The following NPLOC4 variants were observed in gnomAD, a reference collection of about 807,000 sequenced individuals.
NPLOC4 encodes the protein NPL4 homolog, ubiquitin recognition factor.
A neutral mutation model predicts 80.6 loss-of-function variants in NPLOC4; 18 were observed. That is an observed-to-expected ratio of 0.22 (90% CI 0.15 to 0.33). The LOEUF (loss-of-function observed/expected upper bound fraction) is 0.33. NPLOC4 is among the 10% of genes least tolerant of loss of function. The pLI, the probability that NPLOC4 is intolerant of heterozygous loss-of-function variation, is 1.00. For synonymous variants in NPLOC4, 313 were observed against 301.5 expected (o/e 1.04, Z -0.39); for missense variants, 540 against 786.1 (o/e 0.69, Z 3.74).
chr17:81,626,148 C>CAA (rs1159898008), intron 2 of NPLOC4, among the ~76,000 whole-genome samples: 5 of 88,454 alleles, frequency 5.7e-5, no homozygotes, highest in Admixed American at 1.3e-4. Flanking sequence ...GACTTCATCT[C>CAA]AAAAAAAAAA....
intron 11 of NPLOC4, among the ~76,000 whole-genome samples, chr17:81,589,583 G>C (rs1238606626): frequency 6.7e-6 from 1 of 149,462 alleles, no homozygotes; most frequent in Non-Finnish European, 1.5e-5. Context: ...CACAGCACAA[G>C]ACCTAGCACA....
rs533264869 is a variant in NPLOC4, at chr17:81,558,331, C to G, written c.*928G>C. On this transcript the variant is annotated 3_prime_UTR_variant, in exon 17 of 17. Coordinates refer to ENST00000331134, the MANE Select transcript of NPLOC4 (RefSeq NM_017921.4). The stretch of plus-strand genomic sequence containing the variant: ...GCATCGGCACCGGTGACCCAGCTCT[C>G]CCACCCAGGCCATCGCAGGGCAGCC... The G allele has an allele frequency of 1.3e-5, 2 of 152,444 alleles. No homozygotes were observed. Among genetic ancestry groups the G allele is most frequent in the African/African-American group, 4.8e-5 (2 of 41,576 alleles). 9.4% of individuals were successfully genotyped at this position (152,444 alleles called of 1,614,324 possible). A position where few individuals can be genotyped will look rare whatever the true frequency, so the allele number is the denominator to read the frequency against.
chr17:81,559,524 C>T, intron 16 of NPLOC4, 108 bp from the exon 17 acceptor site: 1 of 1,266,054 alleles, frequency 7.9e-7, no homozygotes. Context: ...CCGCCCCCAA[C>T]ATCCCACCCA....
chr17:81,571,971 C>A, intron 13 of NPLOC4, 46 bp downstream of exon 13: 1 of 1,453,314 alleles, frequency 6.9e-7, no homozygotes, highest in Non-Finnish European at 9.4e-7. Context: ...ACCTACAAGG[C>A]GCCCAATGGG....
At chr17:81,622,075 TGAG>T (rs1216345411) in intron 3 of NPLOC4, 88 bp downstream of exon 3, 91 of 850,740 alleles carry the variant, frequency 1.1e-4, no homozygotes, top group Non-Finnish European at 1.7e-4. Flanking sequence ...AGTGGTGTGA[TGAG>T]GAAAGAGGAT....
intron 16 of NPLOC4, among the ~76,000 whole-genome samples, chr17:81,559,878 A>G (rs1308774637): frequency 2.0e-5 from 3 of 151,920 alleles, no homozygotes; most frequent in Admixed American, 2.0e-4. Context: ...GATTACAGGC[A>G]TGAACCACAA....
intron 11 of NPLOC4, among the ~76,000 whole-genome samples, chr17:81,589,521 G>C (rs2144141100): frequency 7.0e-6 from 1 of 143,874 alleles, no homozygotes; most frequent in East Asian, 2.0e-4. Context: ...CTGGGTGACA[G>C]ACTCCATCTC....
chr17:81,582,009 T>C (rs1174719828), intron 12 of NPLOC4, among the ~76,000 whole-genome samples: 2 of 152,222 alleles, frequency 1.3e-5, no homozygotes, highest in African/African-American at 2.4e-5. Context: ...CACCACACCC[T>C]AGTGTCAGAG....
intron 11 of NPLOC4, among the ~76,000 whole-genome samples, chr17:81,589,778 G>A (rs762543154): frequency 2.6e-5 from 4 of 151,456 alleles, no homozygotes; most frequent in Non-Finnish European, 5.9e-5. Flanking sequence ...CGGGAGGACT[G>A]CTTGAGCCCA....
At chr17:81,571,921 TGCAGCCTCCTCCCTTGA>T in intron 13 of NPLOC4, 79 bp downstream of exon 13, 1 of 826,006 alleles carries the variant, frequency 1.2e-6, no homozygotes, top group Non-Finnish European at 1.8e-6. Flanking sequence ...TGCCTTAAAT[TGCAGCCTCCTCCCTTGA>T]GCAGCCACCA....
chr17:81,611,959 C>CAA (rs11401963), intron 4 of NPLOC4, among the ~76,000 whole-genome samples: 8,425 of 104,084 alleles, frequency 0.081, 382 homozygotes, highest in Middle Eastern at 0.17. Flanking sequence ...GAGTCCATCT[C>CAA]AAAAAAAAAA....
intron 5 of NPLOC4, 38 bp downstream of exon 5, chr17:81,610,172 C>A: frequency 6.4e-7 from 1 of 1,552,796 alleles, no homozygotes; most frequent in East Asian, 2.4e-5. Flanking sequence ...CCGCAGCCCC[C>A]CACACTGGCC....
intron 12 of NPLOC4, among the ~76,000 whole-genome samples, chr17:81,586,389 C>A (rs2034581901): frequency 6.6e-6 from 1 of 152,090 alleles, no homozygotes; most frequent in Non-Finnish European, 1.5e-5. Context: ...GTGGGCAAAT[C>A]ACTTGAGTCC....
At position 81,600,362 on chromosome 17, in the gene NPLOC4, A is replaced by G; in HGVS notation, c.900T>C (p.Ala300=). Residue 300 remains alanine, a synonymous_variant, in exon 9 of 17, where the codon GCT becomes GCC. Coordinates refer to ENST00000331134, the MANE Select transcript of NPLOC4 (RefSeq NM_017921.4). Reference sequence around the variant, plus strand: ...GTACCTTCCGCAGGCCAAGTTTGGCAGCAATTTCATCGACCACTTCAGCTT... The same window carrying G: ...GTACCTTCCGCAGGCCAAGTTTGGCGGCAATTTCATCGACCACTTCAGCTT... ...DPKAEVVDEI[A]AKLGLRKVGW... 1 of 1,612,120 alleles carries G rather than the reference A, an allele frequency of 6.2e-7. No individual in the cohort carries two copies. The highest frequency in any genetic ancestry group is 1.1e-5 in the South Asian group (1 of 90,678).
In NPLOC4 at chr17:81,604,537, G is replaced by C. The variant is rs146384897; in HGVS notation, c.834+11C>G. ...ACAGAAACTCAGGAACTTGAATCCC[G>C]TCATGTTTACCTGAGGTGGCTCATA... On this transcript the variant is annotated intron_variant, in intron 8 of 16. Transcript: ENST00000331134. 350 of 1,608,832 alleles carry C rather than the reference G, an allele frequency of 2.2e-4. 1 individual carries two copies. The African/African-American group carries it at 4.4e-3, about 20-fold the overall frequency.
At chr17:81,581,663 AG>A (rs1312129901) in intron 12 of NPLOC4, among the ~76,000 whole-genome samples, 1 of 152,206 alleles carries the variant, frequency 6.6e-6, no homozygotes, top group East Asian at 1.9e-4. Context: ...CCATGGGAAG[AG>A]AGTATACTCC....
intron 1 of NPLOC4, among the ~76,000 whole-genome samples, chr17:81,635,493 G>C (rs1258020299): frequency 6.6e-6 from 1 of 152,060 alleles, no homozygotes; most frequent in African/African-American, 2.4e-5. Flanking sequence ...AACCACCAGA[G>C]AACAGCCTTG....
At position 81,606,766 on chromosome 17, in the gene NPLOC4, C is replaced by G; in HGVS notation, c.579G>C (p.Gly193=). The change falls in exon 7 of 17, where the codon GGG becomes GGC. Residue 193 remains glycine (G), a synonymous_variant. Coordinates refer to ENST00000331134, the MANE Select transcript of NPLOC4 (RefSeq NM_017921.4). ...TCGGCCACGGGAGGTGCCCCTCGCA[C>G]CCTGACTTAATCTTGCAGCTGATGT... The part of the protein sequence containing the change: ...LENISCKIKS[G]CEGHLPWPNG... 1.9e-6 allele frequency: 3 copies of G among 1,613,786 alleles called. No homozygotes were observed. In the South Asian group the frequency reaches 3.3e-5, roughly 18 times the overall value.
chr17:81,621,707 C>T (rs2144295598), intron 3 of NPLOC4, among the ~76,000 whole-genome samples: 1 of 152,308 alleles, frequency 6.6e-6, no homozygotes, highest in East Asian at 1.9e-4. Context: ...CAAAAACAGG[C>T]AGTAGCCAGG....
Sources: allele counts gnomAD v4.1 joint callset (sites outside exome capture counted in the v4.1 genomes callset), GRCh38; gene constraint gnomAD v4.1.1; transcripts MANE v1.5; gene names NCBI Gene and HGNC (gene_info 2026-07-23, HGNC 2026-07-21).